The following LUM variants were observed in gnomAD, a reference collection of about 807,000 sequenced individuals.
The protein encoded by LUM is KSPG lumican.
Under a neutral mutation model 20.5 loss-of-function variants are expected in LUM, and 13 were observed. That is an observed-to-expected ratio of 0.63 (90% CI 0.41 to 1.01). The LOEUF is 1.01. Ranked by LOEUF, LUM falls within the 50% of genes least tolerant of loss-of-function variation. The probability of loss-of-function intolerance (pLI) is 0.00; values close to 1 mark genes in which losing one functional copy is unlikely to be tolerated. For synonymous variants in LUM, 173 were observed against 151.5 expected (o/e 1.14, Z -1.04); for missense variants, 321 against 391.1 (o/e 0.82, Z 1.51).
chr12:91,106,690 TA>T (rs374164456), intron 2 of LUM, among the ~76,000 whole-genome samples: 2,857 of 90,542 alleles, frequency 0.032, 147 homozygotes, highest in African/African-American at 0.12. Context: ...ATTTTTCTTC[TA>T]AAAAAAAAAA....
chr12:91,108,857 A>G lies in LUM; in HGVS notation c.123T>C (p.Cys41=). The G allele has an allele frequency of 6.2e-7, 1 of 1,614,076 alleles. No homozygotes were observed. Among genetic ancestry groups the G allele is most frequent in the Non-Finnish European group, 8.5e-7 (1 of 1,179,998 alleles). The part of the protein sequence containing the change: ...GQSSPNCAPE[C]NCPESYPSAM... ...CACTTGGGTAGCTTTCAGGGCAGTT[A>G]CATTCTGGTGCACAGTTTGGTGATG... The change falls in exon 2 of 3, where the codon TGT becomes TGC. Residue 41 remains cysteine, a synonymous_variant. Transcript: ENST00000266718. The surrounding 1 kb of genome is among the most constrained non-coding windows in gnomAD (Gnocchi z 4.2).
At chr12:91,104,877 C>T (rs1169430746) in intron 2 of LUM, among the ~76,000 whole-genome samples, 1 of 152,182 alleles carries the variant, frequency 6.6e-6, no homozygotes, top group Non-Finnish European at 1.5e-5. Context: ...CTAATCATGG[C>T]ATGTCCACCA....
Position 91,108,276 on chromosome 12 carries a change from C to A in LUM, c.704G>T (p.Arg235Leu). 1 of 1,614,118 alleles carries A rather than the reference C, an allele frequency of 6.2e-7. No homozygotes were observed. The highest frequency in any genetic ancestry group is 8.5e-7 in the Non-Finnish European group (1 of 1,180,006). The stretch of plus-strand genomic sequence containing the variant: ...ATCAGCCAGTTCGTTGTGAGATAAA[C>A]GCAGATACTGCAATGCATTAAAACG... ...FKRFNALQYLRLSHNELADSG... is the reference protein window; with the variant it reads ...FKRFNALQYLLLSHNELADSG... Residue 235 changes from arginine (R) to leucine (L), a missense_variant, in exon 2 of 3, where the codon CGT becomes CTT. Arg to Leu is a moderately radical substitution (Grantham distance 102, BLOSUM62 -2). Transcript: ENST00000266718. The surrounding 1 kb of genome is among the most constrained non-coding windows in gnomAD (Gnocchi z 4.2).
Position 91,108,320 on chromosome 12 carries a change from G to T in LUM, c.660C>A (p.Ile220=). The T allele has an allele frequency of 6.2e-7, 1 of 1,614,166 alleles. No individual in the cohort carries two copies. The highest frequency in any genetic ancestry group is 8.5e-7 in the Non-Finnish European group (1 of 1,179,980). ...LYLDNNKISN[I]PDEYFKRFNA... ...TAAAACGCTTGAAATACTCATCAGG[G>T]ATGTTGCTGATCTTATTGTTGTCTA... The change falls in exon 2 of 3, where the codon ATC becomes ATA. Residue 220 remains isoleucine (I), a synonymous_variant. Coordinates refer to ENST00000266718, the MANE Select transcript of LUM (RefSeq NM_002345.4). This position sits in a 1 kb window ranked among gnomAD's most constrained non-coding sequence, Gnocchi z 4.2.
chr12:91,105,611 G>A (rs1438530803), intron 2 of LUM, among the ~76,000 whole-genome samples: 1 of 152,144 alleles, frequency 6.6e-6, no homozygotes, highest in Non-Finnish European at 1.5e-5. Context: ...CCTAAACTGA[G>A]GTGATACATA....
chr12:91,109,366 A>G (rs1289491150), intron 1 of LUM, among the ~76,000 whole-genome samples: 1 of 152,162 alleles, frequency 6.6e-6, no homozygotes, highest in Non-Finnish European at 1.5e-5. Context: ...ATCTCTCAAA[A>G]AAAGAGAATG....
Position 91,108,834 on chromosome 12 carries a change from C to G in LUM, c.146G>C (p.Ser49Thr). The change falls in exon 2 of 3, where the codon AGT (serine) becomes ACT (threonine). Residue 49 changes from serine to threonine, a missense_variant. Transcript: ENST00000266718. This position sits in a 1 kb window ranked among gnomAD's most constrained non-coding sequence, Gnocchi z 4.2. ...TTTCAGCTCATCACAGTACATGGCA[C>G]TTGGGTAGCTTTCAGGGCAGTTACA... is the stretch of plus-strand genomic sequence containing the variant. ...PECNCPESYP[S>T]AMYCDELKLK... is the part of the protein sequence containing the mutation. 6.2e-7 allele frequency: 1 copy of G among 1,614,048 alleles called. No homozygotes were observed. The highest frequency in any genetic ancestry group is 1.1e-5 in the South Asian group (1 of 91,078).
intron 2 of LUM, among the ~76,000 whole-genome samples, chr12:91,105,794 T>G (rs895944919): frequency 1.3e-5 from 2 of 152,238 alleles, no homozygotes; most frequent in Non-Finnish European, 2.9e-5. Context: ...CATCCTTTAC[T>G]CATGCAATGT....
At position 91,102,652 on chromosome 12, in the gene LUM, G is replaced by C; in HGVS notation, c.*1513C>G. The C allele has an allele frequency of 6.6e-6, 1 of 152,114 alleles. No homozygotes were observed. Among genetic ancestry groups the C allele is most frequent in the East Asian group, 1.9e-4 (1 of 5,168 alleles). 9.4% of individuals were successfully genotyped at this position (152,114 alleles called of 1,614,324 possible). ...AATTCATCTACATTATAGTTTTATCGAGAAAAAGTAGATTTCAAGTTTAAA... is the reference window on the plus strand; with the variant it reads ...AATTCATCTACATTATAGTTTTATCCAGAAAAAGTAGATTTCAAGTTTAAA... On this transcript the variant is annotated 3_prime_UTR_variant, in exon 3 of 3. Transcript: ENST00000266718.
Position 91,108,727 on chromosome 12 carries a change from C to T in LUM, c.253G>A (p.Ala85Thr). ...TGCAGATCAGTTACATTCTCAAAGG[C>T]CTTTTCATCAATATGGTCAATCTGG... is the stretch of plus-strand genomic sequence containing the variant. ...NNQIDHIDEK[A>T]FENVTDLQWL... Residue 85 changes from alanine (A) to threonine (T), a missense_variant, in exon 2 of 3, where the codon GCC (alanine) becomes ACC (threonine). Coordinates refer to ENST00000266718, the MANE Select transcript of LUM (RefSeq NM_002345.4). This position sits in a 1 kb window ranked among gnomAD's most constrained non-coding sequence, Gnocchi z 4.2. 4.3e-6 allele frequency: 7 copies of T among 1,614,058 alleles called. No individual in the cohort carries two copies. Among genetic ancestry groups the T allele is most frequent in the Non-Finnish European group, 5.9e-6 (7 of 1,180,010 alleles).
chr12:91,105,315 G>A (rs1323750101), intron 2 of LUM, among the ~76,000 whole-genome samples: 3 of 152,034 alleles, frequency 2.0e-5, no homozygotes, highest in Admixed American at 6.6e-5. Context: ...CTATCTTACC[G>A]TGTTGCATGA....
intron 2 of LUM, 100 bp from the exon 3 acceptor site, chr12:91,104,419 T>A: frequency 1.2e-6 from 1 of 801,866 alleles, no homozygotes; most frequent in Non-Finnish European, 1.9e-6. Context: ...TAGGACCTCT[T>A]CCCATTTAGA....
At chr12:91,105,331 A>C (rs1880006470) in intron 2 of LUM, among the ~76,000 whole-genome samples, 1 of 152,170 alleles carries the variant, frequency 6.6e-6, no homozygotes, top group South Asian at 2.1e-4. Flanking sequence ...CATGAAGATT[A>C]AATTAAGTTG....
intron 1 of LUM, 96 bp from the exon 2 acceptor site, chr12:91,109,096 T>G (rs1018497458): frequency 2.1e-6 from 2 of 931,482 alleles, no homozygotes; most frequent in African/African-American, 3.3e-5. Flanking sequence ...AAAATGTGCA[T>G]TTTGTTATTT....
chr12:91,106,335 C>T (rs1880031857), intron 2 of LUM, among the ~76,000 whole-genome samples: 1 of 152,096 alleles, frequency 6.6e-6, no homozygotes, highest in Non-Finnish European at 1.5e-5. Context: ...GATTATTTTG[C>T]AGACATTATT....
In LUM at chr12:91,102,736, C is replaced by A. The variant is rs1879936181; in HGVS notation, c.*1429G>T. The A allele has an allele frequency of 1.3e-5, 2 of 152,142 alleles. No homozygotes were observed. Among genetic ancestry groups the A allele is most frequent in the East Asian group, 1.9e-4 (1 of 5,180 alleles). 9.4% of individuals were successfully genotyped at this position (152,142 alleles called of 1,614,324 possible). Reference sequence around the variant, plus strand: ...AAGGAATTTACCTTAATGTAGAAAACTCATGAAAATCAAAAATACACATTG... The same window carrying A: ...AAGGAATTTACCTTAATGTAGAAAAATCATGAAAATCAAAAATACACATTG... On this transcript the variant is annotated 3_prime_UTR_variant, in exon 3 of 3. Transcript: ENST00000266718.
At position 91,104,213 on chromosome 12, in the gene LUM, C is replaced by T. The variant is rs535819052; in HGVS notation, c.969G>A (p.Pro323=). The change falls in exon 3 of 3, where the codon CCG becomes CCA. Residue 323 remains proline (P), a synonymous_variant. Coordinates refer to ENST00000266718, the MANE Select transcript of LUM (RefSeq NM_002345.4). The stretch of plus-strand genomic sequence containing the variant: ...CAACACGTAGACATTCATACATATC[C>T]GGTGGAAGACTGGTTTCTGAGATGC... The part of the protein sequence containing the change: ...GNRISETSLP[P]DMYECLRVAN... 9 of 1,612,542 alleles carry T rather than the reference C, an allele frequency of 5.6e-6. No homozygotes were observed. The highest frequency in any genetic ancestry group is 2.7e-5 in the African/African-American group (2 of 74,922).
intron 2 of LUM, among the ~76,000 whole-genome samples, chr12:91,107,624 T>A (rs973701783): frequency 4.6e-5 from 7 of 152,238 alleles, no homozygotes; most frequent in Admixed American, 4.6e-4. Context: ...ACCTTAATTG[T>A]TCCTTATCTG....
chr12:91,107,238 GGAAAGAAAGAAAGAAAGAAAGAAAGA>G (rs1880068472), intron 2 of LUM, among the ~76,000 whole-genome samples: 2 of 67,296 alleles, frequency 3.0e-5, no homozygotes, highest in Non-Finnish European at 6.0e-5. Context: ...AAGAAAGAAA[GGAAAGAAAGAAAGAAAGAAAGAAAGA>G]AAGAAAGAAA....
Sources: gnomAD v4.1 joint callset for allele counts (sites outside exome capture counted in the v4.1 genomes callset) on GRCh38, gnomAD v4.1.1 for gene constraint, Gnocchi (gnomAD v3.1) non-coding constraint, MANE v1.5 for transcripts, NCBI Gene and HGNC (gene_info 2026-07-23, HGNC 2026-07-21) for gene names.